TRABD2B: variants seen among roughly 807,000 people sequenced by gnomAD.
The protein encoded by TRABD2B is TraB domain containing 2B, also known as metalloprotease TIKI2.
In TRABD2B, 14 loss-of-function variants were observed where a neutral mutation model predicts 40.1. The ratio of observed to expected loss-of-function variants is 0.35; its 90% CI spans 0.23 to 0.55. The LOEUF (loss-of-function observed/expected upper bound fraction) is 0.55. Ranked by LOEUF, TRABD2B falls within the 20% of genes least tolerant of loss-of-function variation. The pLI, the probability that TRABD2B is intolerant of heterozygous loss-of-function variation, is 0.90. For synonymous variants in TRABD2B, 263 were observed against 277.0 expected (o/e 0.95, Z 0.50); for missense variants, 541 against 648.6 (o/e 0.83, Z 1.80).
chr1:47,908,778 C>T (rs1157910219), intron 2 of TRABD2B, among the ~76,000 whole-genome samples: 1 of 152,256 alleles, frequency 6.6e-6, no homozygotes, highest in Admixed American at 6.5e-5. Context: ...GCTCTGGCTC[C>T]TCATACCATG....
chr1:47,771,863 A>AG (rs1432563576), intron 6 of TRABD2B, among the ~76,000 whole-genome samples: 2 of 152,160 alleles, frequency 1.3e-5, no homozygotes, highest in African/African-American at 4.8e-5. Context: ...ATGAGGGGCA[A>AG]GGGGGAGGCC....
intron 4 of TRABD2B, among the ~76,000 whole-genome samples, chr1:47,785,468 G>T (rs11807835): frequency 7.0e-4 from 106 of 152,342 alleles, no homozygotes; most frequent in African/African-American, 2.5e-3. Context: ...AACGCAGGAC[G>T]TCAGAAATGA....
At chr1:47,993,300 T>A (rs1217262405) in intron 2 of TRABD2B, among the ~76,000 whole-genome samples, 1 of 152,216 alleles carries the variant, frequency 6.6e-6, no homozygotes, top group Non-Finnish European at 1.5e-5. Context: ...AAGGGGCTTT[T>A]AATGACATTT....
At chr1:47,931,627 C>CTGGG (rs1645041237) in intron 2 of TRABD2B, among the ~76,000 whole-genome samples, 3 of 152,196 alleles carry the variant, frequency 2.0e-5, no homozygotes, top group South Asian at 4.2e-4. Context: ...GTGGGGAGGG[C>CTGGG]AAGTATCGCA....
At chr1:47,915,357 A>G (rs77960013) in intron 2 of TRABD2B, among the ~76,000 whole-genome samples, 4,702 of 152,270 alleles carry the variant, frequency 0.031, 257 homozygotes, top group African/African-American at 0.11. Flanking sequence ...AAGTTCACGC[A>G]GTCTTTCAGC....
At chr1:47,880,656 C>T (rs1644290378) in intron 2 of TRABD2B, among the ~76,000 whole-genome samples, 1 of 152,158 alleles carries the variant, frequency 6.6e-6, no homozygotes, top group African/African-American at 2.4e-5. Context: ...ACAGGTTCTC[C>T]TCTGCCCCTC....
chr1:47,844,839 C>G (rs1477096394), intron 2 of TRABD2B, among the ~76,000 whole-genome samples: 1 of 152,166 alleles, frequency 6.6e-6, no homozygotes, highest in African/African-American at 2.4e-5. Context: ...AAGCTGAGAT[C>G]CTTTGACTTA....
rs2124403923 is a variant in TRABD2B, at chr1:47,765,265, C to T, written c.*637G>A. The T allele has an allele frequency of 6.5e-6, 1 of 152,712 alleles. No homozygotes were observed. Among genetic ancestry groups the T allele is most frequent in the Admixed American group, 6.5e-5 (1 of 15,348 alleles). 9.5% of individuals were successfully genotyped at this position (152,712 alleles called of 1,614,324 possible). On this transcript the variant is annotated 3_prime_UTR_variant, in exon 7 of 7. Coordinates refer to ENST00000606738, the MANE Select transcript of TRABD2B (RefSeq NM_001194986.2). ...CAGTATCCCACCTCCCACCCCACCCCAGCGCTTTGGTTGAAAACACTTACC... is the reference window on the plus strand; with the variant it reads ...CAGTATCCCACCTCCCACCCCACCCTAGCGCTTTGGTTGAAAACACTTACC...
At chr1:47,834,562 A>AACACACACAC (rs1180009571) in intron 2 of TRABD2B, among the ~76,000 whole-genome samples, 1 of 136,424 alleles carries the variant, frequency 7.3e-6, no homozygotes, top group East Asian at 2.4e-4. Context: ...GATGTGCTCC[A>AACACACACAC]ACACACACAC....
chr1:47,967,287 G>C (rs145675041), intron 2 of TRABD2B, among the ~76,000 whole-genome samples: 2 of 152,066 alleles, frequency 1.3e-5, no homozygotes, highest in East Asian at 3.9e-4. Flanking sequence ...AATTAGCTGA[G>C]TTATCCACCC....
intron 2 of TRABD2B, among the ~76,000 whole-genome samples, chr1:47,916,083 G>A (rs1312532582): frequency 6.6e-6 from 1 of 151,492 alleles, no homozygotes; most frequent in African/African-American, 2.4e-5. Context: ...GGACAAGAGA[G>A]GGGAAGGCAC....
intron 2 of TRABD2B, among the ~76,000 whole-genome samples, chr1:47,810,137 G>GGTGTGT (rs140552120): frequency 0.029 from 3,944 of 136,102 alleles, 115 homozygotes; most frequent in Admixed American, 0.11. Flanking sequence ...AGGAATATAG[G>GGTGTGT]GTGTGTGTGT....
At chr1:47,780,560 TCACACAGGAGGCTGTGAGGG>T (rs1644507233) in intron 4 of TRABD2B, among the ~76,000 whole-genome samples, 1 of 152,056 alleles carries the variant, frequency 6.6e-6, no homozygotes, top group African/African-American at 2.4e-5. Flanking sequence ...AGGGAACTGT[TCACACAGGAGGCTGTGAGGG>T]CACACAGGAG....
chr1:47,812,913 A>G (rs1335841456), intron 2 of TRABD2B, among the ~76,000 whole-genome samples: 1 of 152,178 alleles, frequency 6.6e-6, no homozygotes, highest in African/African-American at 2.4e-5. Flanking sequence ...ATCTTCAGAC[A>G]GTAGACAAGT....
chr1:47,764,263 G>A lies in TRABD2B; in HGVS notation c.*1639C>T, dbSNP rs1222675472. On this transcript the variant is annotated 3_prime_UTR_variant, in exon 7 of 7. Coordinates refer to ENST00000606738, the MANE Select transcript of TRABD2B (RefSeq NM_001194986.2). Reference sequence around the variant, plus strand: ...CCCGGCTGTGCAGCCTTGGAGAAGTGTCTCCTCTCTGTGGGCCTTATTATT... The same window carrying A: ...CCCGGCTGTGCAGCCTTGGAGAAGTATCTCCTCTCTGTGGGCCTTATTATT... 2 of 152,264 alleles carry A rather than the reference G, an allele frequency of 1.3e-5. No individual in the cohort carries two copies. Among genetic ancestry groups the A allele is most frequent in the Non-Finnish European group, 1.5e-5 (1 of 68,060 alleles). 9.4% of individuals were successfully genotyped at this position (152,264 alleles called of 1,614,324 possible). A position where few individuals can be genotyped will look rare whatever the true frequency, so the allele number is the denominator to read the frequency against.
At chr1:47,829,988 C>T (rs1645227357) in intron 2 of TRABD2B, among the ~76,000 whole-genome samples, 1 of 152,142 alleles carries the variant, frequency 6.6e-6, no homozygotes, top group South Asian at 2.1e-4. Flanking sequence ...TCTCTCTTCC[C>T]TGCCACCCCC....
At chr1:47,939,212 G>T (rs1645154286) in intron 2 of TRABD2B, among the ~76,000 whole-genome samples, 1 of 151,898 alleles carries the variant, frequency 6.6e-6, no homozygotes, top group Non-Finnish European at 1.5e-5. Flanking sequence ...GCAGAAGATG[G>T]GATTGAAAGC....
At chr1:47,966,657 C>G (rs1645607590) in intron 2 of TRABD2B, among the ~76,000 whole-genome samples, 1 of 152,130 alleles carries the variant, frequency 6.6e-6, no homozygotes, top group African/African-American at 2.4e-5. Context: ...GTAATCTCAG[C>G]ATTTTGGGAG....
intron 6 of TRABD2B, among the ~76,000 whole-genome samples, chr1:47,774,815 C>A (rs1644421034): frequency 6.6e-6 from 1 of 152,168 alleles, no homozygotes; most frequent in Admixed American, 6.6e-5. Flanking sequence ...TTGGCTTAGC[C>A]AGCTTGTTCC....
Sources: gnomAD v4.1 joint callset for allele counts (sites outside exome capture counted in the v4.1 genomes callset) on GRCh38, gnomAD v4.1.1 for gene constraint, MANE v1.5 for transcripts, NCBI Gene and HGNC (gene_info 2026-07-23, HGNC 2026-07-21) for gene names.